TLN2: variants seen among roughly 807,000 people sequenced by gnomAD.
TLN2 encodes talin-2.
Under a neutral mutation model 294.7 loss-of-function variants are expected in TLN2, and 118 were observed. That is an observed-to-expected ratio of 0.40 (90% CI 0.34 to 0.47). The LOEUF (loss-of-function observed/expected upper bound fraction) is 0.47, where lower values mean the gene tolerates loss of function less well. Ranked by LOEUF, TLN2 falls within the 20% of genes least tolerant of loss-of-function variation. The pLI is 0.84. For missense variants in TLN2, 3,083 were observed against 3,282.2 expected, an observed-to-expected ratio of 0.94 and a Z score of 1.48; for synonymous variants, 1,431 against 1,304.5, an observed-to-expected ratio of 1.10 and a Z score of -2.09.
intron 1 of TLN2, among the ~76,000 whole-genome samples, chr15:62,427,858 A>G (rs186857850): frequency 2.3e-4 from 35 of 152,316 alleles, no homozygotes; most frequent in African/African-American, 7.9e-4. Context: ...GTAATTACCC[A>G]GCTTCTTACC....
intron 26 of TLN2, 126 bp downstream of exon 26, chr15:62,722,613 T>C: frequency 8.2e-7 from 1 of 1,214,970 alleles, no homozygotes; most frequent in Non-Finnish European, 1.1e-6. Flanking sequence ...CTTGCATGAC[T>C]ATTAAAGATG....
At chr15:62,527,468 G>A (rs1596020148) in intron 1 of TLN2, among the ~76,000 whole-genome samples, 1 of 152,304 alleles carries the variant, frequency 6.6e-6, no homozygotes, top group East Asian at 1.9e-4. Flanking sequence ...AGGTGTTTGA[G>A]CAAGACAGGA....
chr15:62,540,264 C>T (rs1034486544), intron 1 of TLN2, among the ~76,000 whole-genome samples: 6 of 151,942 alleles, frequency 3.9e-5, no homozygotes, highest in African/African-American at 1.2e-4. Context: ...CGCTTGAACC[C>T]GGAAGGCAGA....
intron 1 of TLN2, among the ~76,000 whole-genome samples, chr15:62,497,454 C>T (rs953756730): frequency 5.9e-5 from 9 of 152,240 alleles, no homozygotes. Context: ...CTTTCCTCTG[C>T]TCCTTCTGGA....
At chr15:62,505,166 C>T (rs1595961478) in intron 1 of TLN2, among the ~76,000 whole-genome samples, 1 of 152,188 alleles carries the variant, frequency 6.6e-6, no homozygotes, top group Non-Finnish European at 1.5e-5. Context: ...ACCATGTTGG[C>T]CAGGCCAGTC....
intron 17 of TLN2, 101 bp downstream of exon 17, chr15:62,701,315 G>T: frequency 9.9e-7 from 1 of 1,008,480 alleles, no homozygotes; most frequent in Non-Finnish European, 1.4e-6. Context: ...TGAAACAATA[G>T]ACTTTATATT....
At chr15:62,795,822 A>T (rs1436088370) in intron 46 of TLN2, among the ~76,000 whole-genome samples, 1 of 152,230 alleles carries the variant, frequency 6.6e-6, no homozygotes, top group Non-Finnish European at 1.5e-5. Context: ...ATGCCTTGCT[A>T]GACACTTTAC....
At chr15:62,548,003 C>G (rs1039513635) in intron 1 of TLN2, among the ~76,000 whole-genome samples, 1 of 152,154 alleles carries the variant, frequency 6.6e-6, no homozygotes, top group African/African-American at 2.4e-5. Flanking sequence ...GATATTCTTC[C>G]AGGGGCCCTT....
chr15:62,521,183 T>G (rs2040439317), intron 1 of TLN2, among the ~76,000 whole-genome samples: 1 of 151,972 alleles, frequency 6.6e-6, no homozygotes, highest in Non-Finnish European at 1.5e-5. Context: ...AGTTTTGTGG[T>G]GAATTGTAGA....
At chr15:62,587,847 A>G (rs754225728) in intron 1 of TLN2, among the ~76,000 whole-genome samples, 20 of 152,034 alleles carry the variant, frequency 1.3e-4, no homozygotes, top group Non-Finnish European at 1.9e-4. Context: ...ATCTTTACCA[A>G]TCTGATAGGT....
At chr15:62,703,885 A>G (rs538727648) in intron 19 of TLN2, among the ~76,000 whole-genome samples, 25 of 152,054 alleles carry the variant, frequency 1.6e-4, no homozygotes, top group Non-Finnish European at 3.2e-4. Flanking sequence ...CTGTCCCTCA[A>G]AGGGTGGGGC....
intron 2 of TLN2, among the ~76,000 whole-genome samples, chr15:62,590,953 GA>G (rs910659581): frequency 1.2e-4 from 18 of 147,468 alleles, no homozygotes; most frequent in East Asian, 5.8e-4. Context: ...TGTGGAATAG[GA>G]AAAAAAAAGT....
At chr15:62,398,435 C>T (rs1045437121) in intron 1 of TLN2, among the ~76,000 whole-genome samples, 6 of 151,948 alleles carry the variant, frequency 3.9e-5, no homozygotes, top group African/African-American at 9.7e-5. Flanking sequence ...AAATTGGTAC[C>T]GCAGAGAGTG....
At chr15:62,625,776 C>T (rs775317616) in intron 3 of TLN2, among the ~76,000 whole-genome samples, 2 of 152,172 alleles carry the variant, frequency 1.3e-5, no homozygotes, top group African/African-American at 2.4e-5. Flanking sequence ...TTCTGTGTTG[C>T]CAGCCTGGCT....
chr15:62,527,333 T>C (rs1054739843), intron 1 of TLN2, among the ~76,000 whole-genome samples: 1 of 152,178 alleles, frequency 6.6e-6, no homozygotes, highest in African/African-American at 2.4e-5. Flanking sequence ...CCTTTATCCT[T>C]GTATTGCTGA....
chr15:62,717,241 G>A (rs546273610), intron 23 of TLN2, among the ~76,000 whole-genome samples: 2 of 152,238 alleles, frequency 1.3e-5, no homozygotes, highest in South Asian at 2.1e-4. Flanking sequence ...CGCTGCTTGT[G>A]GGAGATTTTT....
chr15:62,571,466 T>G (rs1443790152), intron 1 of TLN2, among the ~76,000 whole-genome samples: 2 of 152,272 alleles, frequency 1.3e-5, no homozygotes, highest in Admixed American at 1.3e-4. Flanking sequence ...CGTCTACCCT[T>G]AAAACCTTAC....
At chr15:62,797,003 C>G (rs2065531689) in intron 47 of TLN2, among the ~76,000 whole-genome samples, 1 of 152,202 alleles carries the variant, frequency 6.6e-6, no homozygotes, top group South Asian at 2.1e-4. Context: ...TGTCAGTCGG[C>G]TATGTGAATG....
intron 18 of TLN2, among the ~76,000 whole-genome samples, chr15:62,702,518 A>C (rs2141101259): frequency 6.6e-6 from 1 of 152,344 alleles, no homozygotes; most frequent in East Asian, 1.9e-4. Flanking sequence ...TCACCTTCTT[A>C]CCAAATGAAC....
Sources: gnomAD v4.1 joint callset for allele counts (sites outside exome capture counted in the v4.1 genomes callset) on GRCh38, gnomAD v4.1.1 for gene constraint, MANE v1.5 for transcripts, NCBI Gene and HGNC (gene_info 2026-07-23, HGNC 2026-07-21) for gene names.